NCAPH2: variants seen among roughly 807,000 people sequenced by gnomAD.
NCAPH2 encodes the protein non-SMC condensin II complex subunit H2.
In NCAPH2, 56 loss-of-function variants were observed where a neutral mutation model predicts 88.6. That is an observed-to-expected ratio of 0.63 (90% CI 0.51 to 0.79). The LOEUF (loss-of-function observed/expected upper bound fraction) is 0.79, where lower values mean the gene tolerates loss of function less well. NCAPH2 is among the 30% of genes least tolerant of loss of function. NCAPH2 has a pLI of 0.00. For missense variants in NCAPH2, 794 were observed against 792.0 expected, an observed-to-expected ratio of 1.00 and a Z score of -0.03; for synonymous variants, 378 against 313.6, an observed-to-expected ratio of 1.21 and a Z score of -2.17.
At chr22:50,509,223 T>C (rs2068717580) in intron 1 of NCAPH2, among the ~76,000 whole-genome samples, 1 of 152,202 alleles carries the variant, frequency 6.6e-6, no homozygotes, top group Non-Finnish European at 1.5e-5. Context: ...GTCATTTATT[T>C]CTATGATTTT....
intron 1 of NCAPH2, among the ~76,000 whole-genome samples, chr22:50,512,005 CT>C (rs951024851): frequency 4.6e-5 from 7 of 152,170 alleles, no homozygotes; most frequent in Non-Finnish European, 1.0e-4. Flanking sequence ...CCAGGCTGGT[CT>C]TGAACTCTTG....
chr22:50,519,911 C>A (rs577565065), intron 9 of NCAPH2: 2 of 464,144 alleles, frequency 4.3e-6, no homozygotes, highest in Non-Finnish European at 5.7e-6. Flanking sequence ...TGCTCTGTCC[C>A]CCAGGCTGGA....
At chr22:50,515,816 C>T (rs777868551) in intron 1 of NCAPH2, 3 of 1,288,544 alleles carry the variant, frequency 2.3e-6, no homozygotes, top group Non-Finnish European at 3.1e-6. Flanking sequence ...TTTGAATGTA[C>T]TCTGTGGACA....
intron 9 of NCAPH2, 164 bp from the exon 10 acceptor site, chr22:50,520,801 G>C: frequency 1.5e-6 from 1 of 689,228 alleles, no homozygotes; most frequent in Non-Finnish European, 2.4e-6. Flanking sequence ...GACCTCGGGT[G>C]ATCTGCCCGC....
In NCAPH2 at chr22:50,524,690, G is replaced by C. The variant is rs1405671060; in HGVS notation, c.*1315G>C. 1.2e-5 allele frequency: 8 copies of C among 665,128 alleles called. No homozygotes were observed. The highest frequency in any genetic ancestry group is 2.0e-5 in the Non-Finnish European group (7 of 351,860). 41.2% of individuals were successfully genotyped at this position (665,128 alleles called of 1,614,324 possible). On this transcript the variant is annotated 3_prime_UTR_variant, in exon 20 of 20. Coordinates refer to ENST00000420993, the MANE Select transcript of NCAPH2 (RefSeq NM_152299.4). ...CCCTGCACCTGCACCTCAGCAAGGT[G>C]AACCTCTTGCTGACGGAAAGCATTC...
In NCAPH2 at chr22:50,522,509, C is replaced by G. The variant is rs781421639; in HGVS notation, c.1315C>G (p.Leu439Val). ...CTCCCACCTCCCAGCAGATGACTTT[C>G]TAGAGCCTGAGGAGTACATGGAGCC... is the stretch of plus-strand genomic sequence containing the variant. ...LEDLGAADDFLEPEEYMEPEG... is the reference protein window; with the variant it reads ...LEDLGAADDFVEPEEYMEPEG... Residue 439 changes from leucine to valine, a missense_variant, in exon 16 of 20, where the codon CTA becomes GTA. By Grantham distance (32) the Leu-to-Val change is conservative (BLOSUM62 1). Transcript: ENST00000420993. The G allele has an allele frequency of 1.9e-6, 3 of 1,613,566 alleles. No individual in the cohort carries two copies. Among genetic ancestry groups the G allele is most frequent in the African/African-American group, 2.7e-5 (2 of 74,884 alleles).
chr22:50,512,897 A>G (rs1489724956), intron 1 of NCAPH2, among the ~76,000 whole-genome samples: 2 of 152,100 alleles, frequency 1.3e-5, no homozygotes, highest in African/African-American at 2.4e-5. Flanking sequence ...CCATTTATTT[A>G]TTCATTGTTG....
Position 50,522,016 on chromosome 22 carries a change from G to A in NCAPH2, c.1139G>A (p.Arg380Gln), listed in dbSNP as rs200153730. 9.9e-6 allele frequency: 16 copies of A among 1,614,026 alleles called. No individual in the cohort carries two copies. The South Asian group carries it at 1.3e-4, about 13-fold the overall frequency. ...GACCATGCCGACAGCAGGCGGCTTC[G>A]GCGAAAGGGTCCGTCCTTTGCAGGT... ...YADHADSRRL[R>Q]RKGPSFADME... The change falls in exon 13 of 20, where the codon CGG becomes CAG. Residue 380 changes from arginine (R) to glutamine (Q), a missense_variant. By Grantham distance (43) the Arg-to-Gln change is conservative. Transcript: ENST00000420993.
intron 1 of NCAPH2, 41 bp downstream of exon 1, chr22:50,508,486 T>TGGGCGGGGGGGG: frequency 3.0e-5 from 4 of 131,970 alleles, no homozygotes; most frequent in Non-Finnish European, 4.2e-5. Flanking sequence ...GGCCGGCGGG[T>TGGGCGGGGGGGG]GGGGCTGCGG....
chr22:50,509,659 C>T (rs909916608), intron 1 of NCAPH2, among the ~76,000 whole-genome samples: 2 of 152,206 alleles, frequency 1.3e-5, no homozygotes, highest in African/African-American at 2.4e-5. Context: ...GTGCTCCAAC[C>T]AGCAGCAAGT....
At position 50,522,398 on chromosome 22, in the gene NCAPH2, A is replaced by G. The variant is rs1180646647; in HGVS notation, c.1289A>G (p.Glu430Gly). 1.2e-6 allele frequency: 2 copies of G among 1,610,196 alleles called. No individual in the cohort carries two copies. Among genetic ancestry groups the G allele is most frequent in the Non-Finnish European group, 1.7e-6 (2 of 1,178,024 alleles). Residue 430 changes from glutamate (E) to glycine (G), a missense_variant, in exon 15 of 20, where the codon GAA (glutamate) becomes GGA (glycine). Glu to Gly is a moderately conservative substitution (Grantham distance 98). Transcript: ENST00000420993. Reference sequence around the variant, plus strand: ...GAGGACCACCTGGAGGATTCCCTGGAAGACCTGGGGGCAGCAGGTGGGTGC... The same window carrying G: ...GAGGACCACCTGGAGGATTCCCTGGGAGACCTGGGGGCAGCAGGTGGGTGC... ...AEEDHLEDSL[E>G]DLGAADDFLE...
chr22:50,510,796 C>T (rs758910457), intron 1 of NCAPH2, among the ~76,000 whole-genome samples: 3 of 151,960 alleles, frequency 2.0e-5, no homozygotes, highest in Non-Finnish European at 2.9e-5. Context: ...CTAAAATAGT[C>T]CTCTCCATCT....
At chr22:50,512,453 G>A (rs2068809138) in intron 1 of NCAPH2, among the ~76,000 whole-genome samples, 1 of 151,700 alleles carries the variant, frequency 6.6e-6, no homozygotes, top group Admixed American at 6.6e-5. Context: ...GCAGCTTGAA[G>A]TCCTGATTTC....
intron 1 of NCAPH2, among the ~76,000 whole-genome samples, chr22:50,511,154 T>A (rs1175765462): frequency 3.4e-5 from 5 of 148,484 alleles, no homozygotes; most frequent in Admixed American, 1.3e-4. Context: ...CCAAAAAAAA[T>A]TTTATTTATT....
intron 9 of NCAPH2, chr22:50,520,529 T>C (rs112509888): frequency 0.033 from 5,015 of 152,052 alleles, 253 homozygotes; most frequent in African/African-American, 0.12. Context: ...ACTGGGATTA[T>C]AGGCGTGAGC....
chr22:50,508,269 C>T lies in NCAPH2; in HGVS notation c.-69C>T, dbSNP rs3829984. On this transcript the variant is annotated 5_prime_UTR_variant, in exon 1 of 20. Coordinates refer to ENST00000420993, the MANE Select transcript of NCAPH2 (RefSeq NM_152299.4). ...AGCAAAATGGCGCCAGAACTAGTGG[C>T]GGGCTGAGGACGCCGTACCCCTCGG... 2.7e-5 allele frequency: 32 copies of T among 1,175,380 alleles called. No individual in the cohort carries two copies. In the East Asian group the frequency reaches 8.2e-4, roughly 30 times the overall value. The allele number at this position is 1,175,380 out of a possible 1,614,324, so 72.8% of individuals were successfully genotyped here.
intron 2 of NCAPH2, 109 bp from the exon 3 acceptor site, chr22:50,517,318 G>A (rs2068951663): frequency 9.1e-7 from 1 of 1,102,898 alleles, no homozygotes; most frequent in Admixed American, 1.8e-5. Flanking sequence ...TTGTACTGGA[G>A]GTTTGGTGGT....
intron 1 of NCAPH2, among the ~76,000 whole-genome samples, chr22:50,509,104 AT>A (rs111866793): frequency 0.014 from 2,202 of 152,018 alleles, 57 homozygotes; most frequent in African/African-American, 0.048. Context: ...TGGTGGTAGG[AT>A]TTTTTTTCCC....
rs1253343836 is a variant in NCAPH2, at chr22:50,518,004, C to T, written c.452C>T (p.Ala151Val). The change falls in exon 6 of 20, where the codon GCC (alanine) becomes GTC (valine). Residue 151 changes from alanine to valine, a missense_variant. Ala to Val is a moderately conservative substitution (Grantham distance 64, BLOSUM62 0). Coordinates refer to ENST00000420993, the MANE Select transcript of NCAPH2 (RefSeq NM_152299.4). ...EVLIIPLLPM[A>V]LVAPDEMEKN... ...CTCATCATCCCCCTCCTGCCCATGG[C>T]CCTGGTGGCCCCTGATGAAATGGAG... 2 of 1,613,992 alleles carry T rather than the reference C, an allele frequency of 1.2e-6. No homozygotes were observed. Among genetic ancestry groups the T allele is most frequent in the Non-Finnish European group, 1.7e-6 (2 of 1,179,966 alleles).
Sources: allele counts gnomAD v4.1 joint callset (sites outside exome capture counted in the v4.1 genomes callset), GRCh38; gene constraint gnomAD v4.1.1; transcripts MANE v1.5; gene names NCBI Gene and HGNC (gene_info 2026-07-23, HGNC 2026-07-21).